PAMR1: variants seen among roughly 807,000 people sequenced by gnomAD.
PAMR1 encodes peptidase domain containing associated with muscle regeneration 1.
Under a neutral mutation model 81.8 loss-of-function variants are expected in PAMR1, and 88 were observed. That is an observed-to-expected ratio of 1.08 (90% CI 0.91 to 1.28). The LOEUF is 1.28. Ranked by LOEUF, PAMR1 falls within the 50% of genes most tolerant of loss-of-function variation. The pLI, the probability that PAMR1 is intolerant of heterozygous loss-of-function variation, is 0.00. For synonymous variants in PAMR1, 336 were observed against 345.3 expected (o/e 0.97, Z 0.30); for missense variants, 935 against 919.7 (o/e 1.02, Z -0.21).
intron 3 of PAMR1, among the ~76,000 whole-genome samples, chr11:35,488,781 C>T (rs1470765121): frequency 1.4e-5 from 2 of 141,876 alleles, no homozygotes; most frequent in African/African-American, 5.2e-5. Flanking sequence ...CCATGTTGCT[C>T]AGGCTGGTCT....
At chr11:35,505,904 C>CTGTT (rs111503645) in intron 1 of PAMR1, among the ~76,000 whole-genome samples, 47,273 of 151,544 alleles carry the variant, frequency 0.31, 7,414 homozygotes, top group African/African-American at 0.36. Context: ...GGCTTGTTCT[C>CTGTT]TGTCATGTAA....
At chr11:35,501,270 G>A (rs1450420739) in intron 1 of PAMR1, among the ~76,000 whole-genome samples, 1 of 151,446 alleles carries the variant, frequency 6.6e-6, no homozygotes, top group African/African-American at 2.4e-5. Flanking sequence ...AGCTGGAACT[G>A]CAGGCATGTG....
chr11:35,484,071 G>A (rs1466935553), intron 3 of PAMR1, among the ~76,000 whole-genome samples: 1 of 152,058 alleles, frequency 6.6e-6, no homozygotes, highest in African/African-American at 2.4e-5. Context: ...TGGATTATAA[G>A]AATAGCATCC....
intron 1 of PAMR1, among the ~76,000 whole-genome samples, chr11:35,501,935 T>C (rs1850854260): frequency 6.6e-6 from 1 of 152,206 alleles, no homozygotes; most frequent in African/African-American, 2.4e-5. Context: ...CTTTTGGATA[T>C]ATTCCCAGTA....
intron 1 of PAMR1, among the ~76,000 whole-genome samples, chr11:35,513,185 A>G (rs1851104273): frequency 6.6e-6 from 1 of 152,236 alleles, no homozygotes; most frequent in African/African-American, 2.4e-5. Context: ...AAAATGGTTG[A>G]TGAATAACCT....
At chr11:35,489,887 A>C (rs1470026196) in intron 3 of PAMR1, among the ~76,000 whole-genome samples, 1 of 152,202 alleles carries the variant, frequency 6.6e-6, no homozygotes, top group Non-Finnish European at 1.5e-5. Context: ...TTGGTTCCCC[A>C]CTGCACTTGC....
chr11:35,510,826 C>T lies in PAMR1; in HGVS notation c.73+14687G>A, dbSNP rs1299282788. Among the ~76,000 whole-genome samples the T allele has an allele frequency of 3.9e-5, 6 of 152,192 alleles. No individual in the cohort carries two copies. The South Asian group carries it at 1.2e-3, about 32-fold the overall frequency. The stretch of plus-strand genomic sequence containing the variant: ...TGTGTGCAAGTGCTCCCCTGATCCC[C>T]TCTTTAAAATCAGAATAAAAAAATA... On this transcript the variant is annotated intron_variant, in intron 1 of 10. Transcript: ENST00000619888.
At chr11:35,501,867 C>A (rs1459267943) in intron 1 of PAMR1, among the ~76,000 whole-genome samples, 1 of 152,198 alleles carries the variant, frequency 6.6e-6, no homozygotes, top group South Asian at 2.1e-4. Context: ...CATATCTTGT[C>A]TATAATGAAT....
At chr11:35,526,691 T>C (rs982776326), upstream of PAMR1, among the ~76,000 whole-genome samples, 2 of 152,188 alleles carry the variant, frequency 1.3e-5, no homozygotes, top group South Asian at 2.1e-4. Context: ...CAGGCTATAG[T>C]CTTAGCCACT....
intron 1 of PAMR1, among the ~76,000 whole-genome samples, chr11:35,522,542 A>C (rs1036661939): frequency 6.6e-6 from 1 of 152,182 alleles, no homozygotes; most frequent in African/African-American, 2.4e-5. Context: ...CTTTATTTTT[A>C]AGGCTGAATA....
chr11:35,500,343 C>T (rs952798248), intron 1 of PAMR1, among the ~76,000 whole-genome samples: 2 of 152,070 alleles, frequency 1.3e-5, no homozygotes, highest in African/African-American at 4.8e-5. Context: ...AAGGGTGAAT[C>T]GATGAACTCA....
intron 6 of PAMR1, among the ~76,000 whole-genome samples, chr11:35,467,257 C>A (rs772725597): frequency 2.4e-4 from 36 of 152,152 alleles, no homozygotes; most frequent in Non-Finnish European, 4.0e-4. Context: ...GCTTCCCACA[C>A]CCCTATAAGC....
chr11:35,463,607 G>A (rs561119878), intron 6 of PAMR1, among the ~76,000 whole-genome samples: 5 of 152,284 alleles, frequency 3.3e-5, no homozygotes, highest in South Asian at 2.1e-4. Flanking sequence ...TTTCCTACAC[G>A]GTGGCCCAAG....
At chr11:35,511,791 G>A (rs979017427) in intron 1 of PAMR1, among the ~76,000 whole-genome samples, 16 of 152,162 alleles carry the variant, frequency 1.1e-4, no homozygotes, top group Non-Finnish European at 2.4e-4. Flanking sequence ...TGTCTAAGCA[G>A]CACACAACAT....
intron 6 of PAMR1, among the ~76,000 whole-genome samples, chr11:35,459,947 A>C (rs1170277161): frequency 6.6e-6 from 1 of 152,258 alleles, no homozygotes; most frequent in Non-Finnish European, 1.5e-5. Flanking sequence ...CAAAGTATCT[A>C]CTACATGGGA....
At chr11:35,529,084 T>G (rs1372250203), upstream of PAMR1, 1 of 152,212 alleles carries the variant, frequency 6.6e-6, no homozygotes. Flanking sequence ...CAAGTTTACC[T>G]TTCTCTGTCC....
At chr11:35,471,418 C>T (rs777615893) in intron 4 of PAMR1, among the ~76,000 whole-genome samples, 17 of 151,984 alleles carry the variant, frequency 1.1e-4, no homozygotes, top group East Asian at 7.7e-4. Flanking sequence ...GCCAAATATA[C>T]GACTGAATGG....
intron 5 of PAMR1, 104 bp from the exon 6 acceptor site, chr11:35,468,212 G>T: frequency 3.1e-6 from 2 of 647,830 alleles, no homozygotes; most frequent in South Asian, 2.2e-5. Context: ...AAGTCTTCTT[G>T]CAATGTTTTT....
intron 1 of PAMR1, among the ~76,000 whole-genome samples, chr11:35,524,583 C>T (rs1473952616): frequency 2.0e-5 from 3 of 152,148 alleles, no homozygotes; most frequent in African/African-American, 4.8e-5. Context: ...AGCGAAGGCT[C>T]GTACATAACC....
Sources: gnomAD v4.1 joint callset for allele counts (sites outside exome capture counted in the v4.1 genomes callset) on GRCh38, gnomAD v4.1.1 for gene constraint, MANE v1.5 for transcripts, NCBI Gene and HGNC (gene_info 2026-07-23, HGNC 2026-07-21) for gene names.